The following SCOC variants were observed in gnomAD, a reference collection of about 807,000 sequenced individuals.
SCOC encodes the protein short coiled-coil protein.
SCOC carries 7 observed loss-of-function variants against 9.9 expected under a neutral mutation model. The observed-to-expected ratio is 0.71, with a 90% CI of 0.40 to 1.33. The LOEUF (loss-of-function observed/expected upper bound fraction) is 1.33, where lower values mean the gene tolerates loss of function less well. Ranked by LOEUF, SCOC falls within the 40% of genes most tolerant of loss-of-function variation. The pLI, the probability that SCOC is intolerant of heterozygous loss-of-function variation, is 0.01. For synonymous variants in SCOC, 19 were observed against 28.2 expected, an observed-to-expected ratio of 0.67 and a Z score of 1.03; for missense variants, 66 against 89.7, an observed-to-expected ratio of 0.74 and a Z score of 1.07.
chr4:140,264,893 C>G (rs1199133988), intron 1 of SCOC, among the ~76,000 whole-genome samples: 1 of 152,174 alleles, frequency 6.6e-6, no homozygotes, highest in Non-Finnish European at 1.5e-5. Flanking sequence ...AGAAAGTCAC[C>G]TCACTGATGA....
chr4:140,258,816 A>G (rs148703242), intron 1 of SCOC, among the ~76,000 whole-genome samples: 186 of 152,328 alleles, frequency 1.2e-3, no homozygotes, highest in African/African-American at 4.2e-3. Context: ...GGCGTATCAT[A>G]TGTGCTGACA....
chr4:140,327,356 C>T (rs1732678033), intron 1 of SCOC, among the ~76,000 whole-genome samples: 1 of 152,132 alleles, frequency 6.6e-6, no homozygotes, highest in Non-Finnish European at 1.5e-5. Context: ...TTTCAAAATC[C>T]TGCACCATCA....
intron 1 of SCOC, among the ~76,000 whole-genome samples, chr4:140,317,710 A>T: frequency 7.9e-6 from 1 of 127,302 alleles, no homozygotes; most frequent in Non-Finnish European, 1.7e-5. Context: ...TATTATTTTT[A>T]ATTATACTTT....
chr4:140,320,259 A>G (rs1375597952), intron 1 of SCOC, among the ~76,000 whole-genome samples: 2 of 152,194 alleles, frequency 1.3e-5, no homozygotes, highest in African/African-American at 4.8e-5. Context: ...TACAAATGCC[A>G]TGACAACCTC....
Position 140,337,992 on chromosome 4 carries a change from C to T in SCOC, c.-18-5629C>T, listed in dbSNP as rs1361906523. On this transcript the variant is annotated intron_variant, in intron 1 of 4. Transcript: ENST00000394205. ...ATACCAAAGCCTGGCAGAGACACAA[C>T]AAAAAAAGAGAATTTTAGACCAATA... Among the ~76,000 whole-genome samples the T allele has an allele frequency of 3.9e-5, 6 of 151,926 alleles. No homozygotes were observed. In the East Asian group the frequency reaches 1.2e-3, roughly 29 times the overall value.
At chr4:140,344,453 A>G (rs898047453) in intron 2 of SCOC, among the ~76,000 whole-genome samples, 3 of 152,184 alleles carry the variant, frequency 2.0e-5, no homozygotes, top group African/African-American at 4.8e-5. Flanking sequence ...GAGCAAGAGC[A>G]TGAATATTTA....
chr4:140,308,113 T>TGTGCTATTCATCTGTTTA (rs1213735362), intron 1 of SCOC, among the ~76,000 whole-genome samples: 3 of 152,204 alleles, frequency 2.0e-5, no homozygotes, highest in Non-Finnish European at 2.9e-5. Context: ...ATATGATGAA[T>TGTGCTATTCATCTGTTTA]GTGCTATTCA....
At chr4:140,294,634 C>A (rs537468217) in intron 1 of SCOC, among the ~76,000 whole-genome samples, 2 of 152,226 alleles carry the variant, frequency 1.3e-5, no homozygotes, top group South Asian at 4.1e-4. Flanking sequence ...CTAGTGGAGA[C>A]CATTAAGGAT....
chr4:140,337,782 C>G (rs962323238), intron 1 of SCOC, among the ~76,000 whole-genome samples: 1 of 152,166 alleles, frequency 6.6e-6, no homozygotes, highest in African/African-American at 2.4e-5. Flanking sequence ...AGACCAATAA[C>G]AGGCTCTGAA....
chr4:140,318,460 C>A (rs1732397595), intron 1 of SCOC, among the ~76,000 whole-genome samples: 1 of 99,924 alleles, frequency 1.0e-5, no homozygotes, highest in Non-Finnish European at 1.8e-5. Context: ...ATTTATGCAG[C>A]CAAAAAACAC....
chr4:140,271,348 G>T (rs894450596), intron 1 of SCOC, among the ~76,000 whole-genome samples: 5 of 152,318 alleles, frequency 3.3e-5, no homozygotes, highest in Admixed American at 2.0e-4. Flanking sequence ...AAAGTCTGAT[G>T]AAAACACCAA....
At chr4:140,373,627 A>C (rs1160142425), upstream of SCOC, 1 of 1,551,420 alleles carries the variant, frequency 6.4e-7, no homozygotes, top group Admixed American at 2.0e-5. Flanking sequence ...CTGTGGGCGG[A>C]GTGGGCGGAG....
At chr4:140,308,819 T>A (rs752917762) in intron 1 of SCOC, among the ~76,000 whole-genome samples, 1 of 152,168 alleles carries the variant, frequency 6.6e-6, no homozygotes, top group Admixed American at 6.5e-5. Context: ...TCTGTGTGTG[T>A]GGAGAAGGGG....
chr4:140,379,540 A>G, intron 2 of SCOC, 29 bp from the exon 3 acceptor site: 3 of 1,499,514 alleles, frequency 2.0e-6, no homozygotes, highest in Non-Finnish European at 2.8e-6. Flanking sequence ...AATGCTAATT[A>G]ATAGTAAATT....
intron 1 of SCOC, among the ~76,000 whole-genome samples, chr4:140,278,209 T>G (rs1560679074): frequency 6.6e-6 from 1 of 152,148 alleles, no homozygotes; most frequent in Non-Finnish European, 1.5e-5. Context: ...AGATTTGGTG[T>G]CTGGTGTAGG....
In SCOC at chr4:140,365,447, T is replaced by C. The variant is rs539884240; in HGVS notation, c.71-13674T>C. ...GGCATGGCTTCTATGATACAGGCAC[T>C]GAAACTTCTTTGATAAAGGCACTGA... is the stretch of plus-strand genomic sequence containing the variant. On this transcript the variant is annotated intron_variant, in intron 2 of 4. Transcript: ENST00000338517. Among the ~76,000 whole-genome samples, 3 of 152,354 alleles carry C rather than the reference T, an allele frequency of 2.0e-5. No individual in the cohort carries two copies. In the East Asian group the frequency reaches 5.8e-4, roughly 29 times the overall value.
At chr4:140,257,976 A>G (rs1233949115) in intron 1 of SCOC, among the ~76,000 whole-genome samples, 1 of 152,206 alleles carries the variant, frequency 6.6e-6, no homozygotes, top group Admixed American at 6.5e-5. Flanking sequence ...AGAAACTCCA[A>G]TCCCAGGCAT....
chr4:140,368,445 C>A (rs1727896814), intron 2 of SCOC, among the ~76,000 whole-genome samples: 1 of 151,864 alleles, frequency 6.6e-6, no homozygotes, highest in Admixed American at 6.6e-5. Flanking sequence ...GTATAAATAC[C>A]AATTCTGGGG....
chr4:140,340,618 G>A (rs1368243513), upstream of SCOC, among the ~76,000 whole-genome samples: 1 of 151,804 alleles, frequency 6.6e-6, no homozygotes, highest in Non-Finnish European at 1.5e-5. Flanking sequence ...AATAGCCTAA[G>A]TATAGGAGCT....
Sources: gnomAD v4.1 joint callset for allele counts (sites outside exome capture counted in the v4.1 genomes callset) on GRCh38, gnomAD v4.1.1 for gene constraint, MANE v1.5 for transcripts, NCBI Gene and HGNC (gene_info 2026-07-23, HGNC 2026-07-21) for gene names.